Variants in RGS7BP observed in about 807,000 individuals in gnomAD.
RGS7BP encodes regulator of G protein signaling 7-binding protein.
Under a neutral mutation model 31.3 loss-of-function variants are expected in RGS7BP, and 9 were observed. The observed-to-expected ratio is 0.29, with a 90% CI of 0.17 to 0.50. RGS7BP has a LOEUF of 0.50. Ranked by LOEUF, RGS7BP falls within the 20% of genes least tolerant of loss-of-function variation. The pLI, the probability that RGS7BP is intolerant of heterozygous loss-of-function variation, is 0.98. For missense variants in RGS7BP, 274 were observed against 322.0 expected (o/e 0.85, Z 1.14); for synonymous variants, 115 against 120.1 (o/e 0.96, Z 0.28).
At chr5:64,572,737 G>A (rs893498715) in intron 2 of RGS7BP, among the ~76,000 whole-genome samples, 2 of 151,854 alleles carry the variant, frequency 1.3e-5, no homozygotes, top group Non-Finnish European at 2.9e-5. Flanking sequence ...AGGTTACAGA[G>A]GCATTTGGGA....
At chr5:64,585,237 G>A (rs1395097987) in intron 3 of RGS7BP, among the ~76,000 whole-genome samples, 3 of 152,170 alleles carry the variant, frequency 2.0e-5, no homozygotes, top group Non-Finnish European at 4.4e-5. Context: ...CACCAAGGAA[G>A]TGATAGGGCA....
chr5:64,507,670 G>A (rs757471348), intron 1 of RGS7BP, 41 bp from the exon 2 acceptor site: 1 of 1,535,170 alleles, frequency 6.5e-7, no homozygotes, highest in East Asian at 2.3e-5. Flanking sequence ...TTTCTGATGA[G>A]AAATGTTTGG....
intron 5 of RGS7BP, among the ~76,000 whole-genome samples, chr5:64,608,100 G>C (rs746901708): frequency 5.3e-5 from 8 of 152,048 alleles, no homozygotes; most frequent in Non-Finnish European, 1.2e-4. Flanking sequence ...AGTGCAACTA[G>C]TCTTGGCGGA....
intron 3 of RGS7BP, among the ~76,000 whole-genome samples, chr5:64,593,054 C>A (rs1233375976): frequency 6.6e-6 from 1 of 152,168 alleles, no homozygotes; most frequent in Non-Finnish European, 1.5e-5. Context: ...CCCCCAAGAG[C>A]ATACCATAAA....
intron 2 of RGS7BP, among the ~76,000 whole-genome samples, chr5:64,525,328 T>A (rs1227889929): frequency 2.0e-5 from 3 of 152,346 alleles, no homozygotes; most frequent in Admixed American, 1.3e-4. Flanking sequence ...AGAACAGCTA[T>A]TGGGACTGTA....
intron 1 of RGS7BP, 73 bp from the exon 2 acceptor site, chr5:64,507,638 T>G: frequency 7.0e-7 from 1 of 1,425,156 alleles, no homozygotes; most frequent in Non-Finnish European, 9.5e-7. Context: ...AGCCCCTGTT[T>G]ATGTACTCCG....
chr5:64,543,471 TTC>T (rs1385272890), intron 2 of RGS7BP, among the ~76,000 whole-genome samples: 2 of 152,250 alleles, frequency 1.3e-5, no homozygotes, highest in African/African-American at 2.4e-5. Flanking sequence ...ACCATGAGGA[TTC>T]TCTGTTTCTC....
At chr5:64,604,832 G>A (rs1424270350) in intron 5 of RGS7BP, among the ~76,000 whole-genome samples, 1 of 152,038 alleles carries the variant, frequency 6.6e-6, no homozygotes, top group Non-Finnish European at 1.5e-5. Flanking sequence ...TAGAGAAGTG[G>A]TTTGGGGGAA....
intron 2 of RGS7BP, among the ~76,000 whole-genome samples, chr5:64,518,303 G>A (rs1450020873): frequency 2.6e-5 from 4 of 151,776 alleles, no homozygotes; most frequent in East Asian, 3.9e-4. Flanking sequence ...TTCTAGGTGC[G>A]GTAGATACAA....
At chr5:64,567,021 C>T (rs763918081) in intron 2 of RGS7BP, among the ~76,000 whole-genome samples, 3 of 151,582 alleles carry the variant, frequency 2.0e-5, no homozygotes, top group Non-Finnish European at 4.4e-5. Context: ...TTAATTTTAC[C>T]TGTCCTCAAA....
At chr5:64,537,699 A>C (rs1460822477) in intron 2 of RGS7BP, among the ~76,000 whole-genome samples, 4 of 152,224 alleles carry the variant, frequency 2.6e-5, no homozygotes, top group African/African-American at 9.6e-5. Context: ...TTTGCTTTAG[A>C]TTATGATAGA....
At chr5:64,559,778 A>G (rs1742009255) in intron 2 of RGS7BP, among the ~76,000 whole-genome samples, 1 of 152,168 alleles carries the variant, frequency 6.6e-6, no homozygotes, top group South Asian at 2.1e-4. Flanking sequence ...CAATAGTTAC[A>G]TTTTATTTTA....
chr5:64,508,736 CTGTT>C (rs1319192475), intron 2 of RGS7BP, among the ~76,000 whole-genome samples: 1 of 152,138 alleles, frequency 6.6e-6, no homozygotes, highest in African/African-American at 2.4e-5. Flanking sequence ...TAGTATTTAC[CTGTT>C]TATCTATGTG....
intron 2 of RGS7BP, among the ~76,000 whole-genome samples, chr5:64,569,481 G>A (rs1211684866): frequency 4.6e-5 from 7 of 151,802 alleles, no homozygotes; most frequent in Admixed American, 3.9e-4. Flanking sequence ...ACTCATTTTG[G>A]TATGAAATAG....
chr5:64,566,773 G>A (rs989479141), intron 2 of RGS7BP, among the ~76,000 whole-genome samples: 2 of 151,962 alleles, frequency 1.3e-5, no homozygotes, highest in African/African-American at 4.8e-5. Flanking sequence ...AGACTGTATG[G>A]TCACCACGGT....
intron 2 of RGS7BP, among the ~76,000 whole-genome samples, chr5:64,547,367 C>A (rs1319865434): frequency 6.6e-6 from 1 of 152,194 alleles, no homozygotes; most frequent in African/African-American, 2.4e-5. Flanking sequence ...TATGGAAATT[C>A]TTCTCACCAA....
At chr5:64,594,988 G>T in intron 4 of RGS7BP, 131 bp downstream of exon 4, 1 of 942,078 alleles carries the variant, frequency 1.1e-6, no homozygotes. Context: ...GAGGAGCATA[G>T]TGCTGTCAGG....
chr5:64,553,672 C>T (rs1296927640), intron 2 of RGS7BP, among the ~76,000 whole-genome samples: 2 of 152,034 alleles, frequency 1.3e-5, no homozygotes, highest in Non-Finnish European at 2.9e-5. Flanking sequence ...TTAACCAAGT[C>T]TCAGTTTCCT....
At chr5:64,545,638 G>A (rs1163890941) in intron 2 of RGS7BP, among the ~76,000 whole-genome samples, 1 of 152,088 alleles carries the variant, frequency 6.6e-6, no homozygotes, top group Non-Finnish European at 1.5e-5. Context: ...AAGAACCGGA[G>A]GAAATTAAGT....
Sources: gnomAD v4.1 joint callset for allele counts (sites outside exome capture counted in the v4.1 genomes callset) on GRCh38, gnomAD v4.1.1 for gene constraint, MANE v1.5 for transcripts, NCBI Gene and HGNC (gene_info 2026-07-23, HGNC 2026-07-21) for gene names.